The following CYP46A1 variants were observed in gnomAD, a reference collection of about 807,000 sequenced individuals.
CYP46A1 encodes the protein cytochrome P450 family 46 subfamily A member 1, also known as cholesterol 24-hydroxylase.
In CYP46A1, 20 loss-of-function variants were observed where a neutral mutation model predicts 63.3. The ratio of observed to expected loss-of-function variants is 0.32; its 90% CI spans 0.22 to 0.46. The LOEUF (loss-of-function observed/expected upper bound fraction) is 0.46, where lower values mean the gene tolerates loss of function less well. Ranked by LOEUF, CYP46A1 falls within the 20% of genes least tolerant of loss-of-function variation. The pLI is 1.00. For synonymous variants in CYP46A1, 268 were observed against 273.6 expected, an observed-to-expected ratio of 0.98 and a Z score of 0.20; for missense variants, 445 against 670.8, an observed-to-expected ratio of 0.66 and a Z score of 3.72.
chr14:99,723,289 C>A (rs1456037354), intron 12 of CYP46A1, among the ~76,000 whole-genome samples: 1 of 152,034 alleles, frequency 6.6e-6, no homozygotes, highest in Non-Finnish European at 1.5e-5. Flanking sequence ...TTTTTTACGG[C>A]ATACATTTAT....
At chr14:99,691,973 G>A (rs117491281) in intron 3 of CYP46A1, 112 bp downstream of exon 3, 13,971 of 1,113,232 alleles carry the variant, frequency 0.013, 121 homozygotes, top group Non-Finnish European at 0.015. Context: ...GGCGCATTTC[G>A]GCTGGTTTCC....
At chr14:99,724,144 C>T (rs2056873748) in intron 12 of CYP46A1, among the ~76,000 whole-genome samples, 1 of 152,144 alleles carries the variant, frequency 6.6e-6, no homozygotes, top group African/African-American at 2.4e-5. Flanking sequence ...ATCCTAAGTA[C>T]CTCATTTTAA....
rs766817808 is a variant in CYP46A1 at position 99,716,234 on chromosome 14, C to A, written c.907+35C>A. Reference sequence around the variant, plus strand: ...TTTGGCGGTGGCCAAGGGCCCGGAGCTCTGCAGAAATGCTGTGGACCATGG... The same window carrying A: ...TTTGGCGGTGGCCAAGGGCCCGGAGATCTGCAGAAATGCTGTGGACCATGG... On this transcript the variant is annotated intron_variant, in intron 9 of 14. Transcript: ENST00000261835. 7 of 1,609,950 alleles carry A rather than the reference C, an allele frequency of 4.3e-6. No homozygotes were observed. The East Asian group carries it at 1.6e-4, about 36-fold the overall frequency.
At position 99,695,858 on chromosome 14, in the gene CYP46A1, T is replaced by C. The variant is rs180981013; in HGVS notation, c.283-3608T>C. Reference sequence around the variant, plus strand: ...GTTGGCCAGTCTAGTCTTGAGCTCCTGACCTCAAGTGATCTGCCCACCTCA... The same window carrying C: ...GTTGGCCAGTCTAGTCTTGAGCTCCCGACCTCAAGTGATCTGCCCACCTCA... On this transcript the variant is annotated intron_variant, in intron 3 of 14. Transcript: ENST00000261835. 2.5e-3 allele frequency among the ~76,000 whole-genome samples: 380 copies of C among 152,224 alleles called. 4 individuals carry two copies. The highest frequency in any genetic ancestry group is 1.1e-3 in the Non-Finnish European group (77 of 68,014).
At chr14:99,711,774 A>G (rs977548779) in intron 7 of CYP46A1, 6 of 152,156 alleles carry the variant, frequency 3.9e-5, no homozygotes, top group Non-Finnish European at 8.8e-5. Flanking sequence ...AACTTATTCT[A>G]TGAGGCCAGC....
chr14:99,694,427 T>G (rs1256093800), intron 3 of CYP46A1, among the ~76,000 whole-genome samples: 4 of 151,696 alleles, frequency 2.6e-5, no homozygotes, highest in Non-Finnish European at 5.9e-5. Flanking sequence ...TTTATTCATC[T>G]TTCCAAATAA....
chr14:99,687,162 C>T (rs193144043), intron 1 of CYP46A1, among the ~76,000 whole-genome samples: 2 of 152,286 alleles, frequency 1.3e-5, no homozygotes, highest in Admixed American at 6.5e-5. Context: ...CATCCTACTG[C>T]ACCGATCCGT....
chr14:99,721,834 A>C, intron 11 of CYP46A1, 122 bp from the exon 12 acceptor site: 4 of 684,136 alleles, frequency 5.8e-6, no homozygotes, highest in Non-Finnish European at 7.5e-6. Context: ...GACCCAGGCC[A>C]GGGTGAGGGT....
intron 10 of CYP46A1, among the ~76,000 whole-genome samples, chr14:99,720,423 A>G (rs1178720378): frequency 6.7e-6 from 1 of 150,186 alleles, no homozygotes; most frequent in African/African-American, 2.4e-5. Flanking sequence ...TGGGATGAGA[A>G]CCATCCTAAT....
intron 5 of CYP46A1, 96 bp from the exon 6 acceptor site, chr14:99,706,551 C>T: frequency 6.5e-7 from 1 of 1,535,502 alleles, no homozygotes; most frequent in Non-Finnish European, 8.8e-7. Flanking sequence ...CCCACCTTCA[C>T]TCTGCACAGT....
At position 99,691,134 on chromosome 14, in the gene CYP46A1, G is replaced by A. The variant is rs200569884; in HGVS notation, c.173G>A (p.Arg58His). ...CFWKKDEVGGRVLQDVFLDWA... is the reference protein window; with the variant it reads ...CFWKKDEVGGHVLQDVFLDWA... ...TGGAAAAAGGATGAGGTTGGTGGCC[G>A]TGTGCTCCAAGATGTGTTTTTGGAT... The change falls in exon 2 of 15, where the codon CGT becomes CAT. Residue 58 changes from arginine (R) to histidine (H), a missense_variant. Transcript: ENST00000261835. The A allele has an allele frequency of 1.3e-5, 21 of 1,614,006 alleles. No homozygotes were observed. The highest frequency in any genetic ancestry group is 6.8e-6 in the Non-Finnish European group (8 of 1,180,024).
At chr14:99,717,763 C>G in intron 9 of CYP46A1, 1 of 370,782 alleles carries the variant, frequency 2.7e-6, no homozygotes, top group Non-Finnish European at 4.9e-6. Context: ...CCTGGGAAGG[C>G]GAGGCCTTGG....
At chr14:99,705,387 T>C (rs1411304860) in intron 5 of CYP46A1, among the ~76,000 whole-genome samples, 1 of 144,666 alleles carries the variant, frequency 6.9e-6, no homozygotes, top group East Asian at 2.0e-4. Flanking sequence ...TTTATTTTTA[T>C]TTTTTGCAGA....
chr14:99,723,632 A>G (rs951084026), intron 12 of CYP46A1, among the ~76,000 whole-genome samples: 2 of 152,182 alleles, frequency 1.3e-5, no homozygotes, highest in Non-Finnish European at 2.9e-5. Flanking sequence ...TTAAAAACTC[A>G]CGTGTTAATC....
In CYP46A1 at chr14:99,722,186, G is replaced by T. The variant is rs1226203472; in HGVS notation, c.1176+120G>T. 1.5e-6 allele frequency: 1 copy of T among 665,088 alleles called. No individual in the cohort carries two copies. The highest frequency in any genetic ancestry group is 2.6e-6 in the Non-Finnish European group (1 of 386,570). The allele number at this position is 665,088 out of a possible 1,614,324, so 41.2% of individuals were successfully genotyped here. On this transcript the variant is annotated intron_variant, in intron 12 of 14. Transcript: ENST00000261835. The surrounding 1 kb of genome is among the most constrained non-coding windows in gnomAD (Gnocchi z 4.6). ...CCCATCATTGCAACGGGCCTCACTG[G>T]CTGCCCTGGTCTTTCTCATGGAGTC...
In CYP46A1 at chr14:99,715,924, G is replaced by A; in HGVS notation, c.808G>A (p.Glu270Lys). The change falls in exon 8 of 15, where the codon GAG (glutamate) becomes AAG (lysine). Residue 270 changes from glutamate to lysine, a missense_variant. Glu to Lys is a moderately conservative substitution (Grantham distance 56). Around this residue, in one of 4 missense-constraint regions of CYP46A1, gnomAD observed 252 missense variants for 383.3 expected, o/e 0.66. Transcript: ENST00000261835. ...CCGGGAAGCCCTGAAGAGGGGCGAG[G>A]AGGTTCCTGCCGACATCCTCACACA... ...RRREALKRGE[E>K]VPADILTQIL... 1 of 1,608,266 alleles carries A rather than the reference G, an allele frequency of 6.2e-7. No individual in the cohort carries two copies. Among genetic ancestry groups the A allele is most frequent in the Admixed American group, 1.7e-5 (1 of 59,724 alleles).
chr14:99,722,089 C>G lies in CYP46A1; in HGVS notation c.1176+23C>G, dbSNP rs1566836752. 1 of 1,572,792 alleles carries G rather than the reference C, an allele frequency of 6.4e-7. No individual in the cohort carries two copies. The highest frequency in any genetic ancestry group is 8.7e-7 in the Non-Finnish European group (1 of 1,148,252). On this transcript the variant is annotated intron_variant, in intron 12 of 14. Coordinates refer to ENST00000261835, the MANE Select transcript of CYP46A1 (RefSeq NM_006668.2). The surrounding 1 kb of genome is among the most constrained non-coding windows in gnomAD (Gnocchi z 4.6). ...TTGGTGGGTGGAGGCCCTGGGGGTC[C>G]TGGGGTGGGCTGGGCTGCTTGCCCC...
At chr14:99,686,677 T>TG (rs2056497160) in intron 1 of CYP46A1, among the ~76,000 whole-genome samples, 1 of 152,224 alleles carries the variant, frequency 6.6e-6, no homozygotes, top group Non-Finnish European at 1.5e-5. Context: ...GCATGTATCC[T>TG]TATTGCTTTC....
At chr14:99,700,775 T>C (rs1011493966) in intron 5 of CYP46A1, among the ~76,000 whole-genome samples, 22 of 152,242 alleles carry the variant, frequency 1.4e-4, no homozygotes, top group African/African-American at 5.1e-4. Flanking sequence ...GGGTTCCTTC[T>C]ACTTACAGAT....
Sources: allele counts gnomAD v4.1 joint callset (sites outside exome capture counted in the v4.1 genomes callset), GRCh38; gene constraint gnomAD v4.1.1; regional missense constraint gnomAD v4.1.1; non-coding constraint Gnocchi (gnomAD v3.1); transcripts MANE v1.5; gene names NCBI Gene and HGNC (gene_info 2026-07-23, HGNC 2026-07-21).